DCC: variants seen among roughly 807,000 people sequenced by gnomAD.
DCC encodes netrin receptor DCC.
In DCC, 58 loss-of-function variants were observed where a neutral mutation model predicts 172.5. That is an observed-to-expected ratio of 0.34 (90% CI 0.27 to 0.42). The LOEUF (loss-of-function observed/expected upper bound fraction) is 0.42. Ranked by LOEUF, DCC falls within the 10% of genes least tolerant of loss-of-function variation. DCC has a pLI of 1.00. For missense variants in DCC, 1,740 were observed against 1,791.0 expected, an observed-to-expected ratio of 0.97 and a Z score of 0.51; for synonymous variants, 709 against 644.5, an observed-to-expected ratio of 1.10 and a Z score of -1.52.
chr18:53,358,379 C>T (rs78496588), intron 15 of DCC, among the ~76,000 whole-genome samples: 6,551 of 151,878 alleles, frequency 0.043, 458 homozygotes, highest in African/African-American at 0.15. Context: ...AAAAAAATTT[C>T]TTGTAATAGA....
intron 1 of DCC, among the ~76,000 whole-genome samples, chr18:52,617,526 C>T (rs1392903055): frequency 1.3e-5 from 2 of 152,108 alleles, no homozygotes; most frequent in African/African-American, 2.4e-5. Context: ...AGTTCTTTGC[C>T]TCTCACTCTT....
chr18:53,025,689 A>C (rs2041945638), intron 5 of DCC, among the ~76,000 whole-genome samples: 1 of 152,022 alleles, frequency 6.6e-6, no homozygotes, highest in African/African-American at 2.4e-5. Flanking sequence ...ATGGAAATGA[A>C]AACCATACTA....
At chr18:52,618,353 A>G (rs1441779430) in intron 1 of DCC, among the ~76,000 whole-genome samples, 2 of 152,168 alleles carry the variant, frequency 1.3e-5, no homozygotes, top group East Asian at 3.9e-4. Context: ...AGAATAAACT[A>G]TTTGTTTCTA....
intron 2 of DCC, among the ~76,000 whole-genome samples, chr18:52,809,639 G>T (rs1014231291): frequency 6.6e-6 from 1 of 152,182 alleles, no homozygotes; most frequent in African/African-American, 2.4e-5. Context: ...TCAGCAGTGG[G>T]TCTGTGATGG....
At chr18:53,172,788 T>G (rs1314656003) in intron 8 of DCC, among the ~76,000 whole-genome samples, 1 of 152,092 alleles carries the variant, frequency 6.6e-6, no homozygotes, top group Non-Finnish European at 1.5e-5. Flanking sequence ...TTACCCAAAG[T>G]TCCCATGATC....
intron 14 of DCC, among the ~76,000 whole-genome samples, chr18:53,333,957 A>G (rs1416779279): frequency 6.6e-6 from 1 of 152,202 alleles, no homozygotes; most frequent in Non-Finnish European, 1.5e-5. Context: ...GACCCAAGGA[A>G]ATCTCACCTG....
chr18:53,322,995 G>C (rs943755655), intron 14 of DCC, among the ~76,000 whole-genome samples: 2 of 152,046 alleles, frequency 1.3e-5, no homozygotes, highest in Admixed American at 6.5e-5. Flanking sequence ...TAGATGTAAA[G>C]ATAAACTCGT....
intron 27 of DCC, among the ~76,000 whole-genome samples, chr18:53,504,914 TTTTG>T (rs545284643): frequency 2.8e-3 from 419 of 152,254 alleles, no homozygotes; most frequent in Non-Finnish European, 4.5e-3. Context: ...AGAAATGTTT[TTTTG>T]TTTGTTTGTT....
At chr18:53,141,639 A>T (rs144735299) in intron 7 of DCC, among the ~76,000 whole-genome samples, 1 of 152,180 alleles carries the variant, frequency 6.6e-6, no homozygotes, top group Non-Finnish European at 1.5e-5. Context: ...GATTTTGTGG[A>T]TTCTTTCAAT....
rs1872226016 is a variant in DCC at position 52,610,165 on chromosome 18, AAAAAAAAAAAAAAATATATATATAT to A, written c.92-141887_92-141863del. On this transcript the variant is annotated intron_variant, in intron 1 of 28. Coordinates refer to ENST00000442544, the MANE Select transcript of DCC (RefSeq NM_005215.4). ...CCCATCTCTCATAAAAAAAAAAAAA[AAAAAAAAAAAAAAATATATATATAT>A]ATATATATATATATATATATATATA... Among the ~76,000 whole-genome samples, 8 of 22,916 alleles carry A rather than the reference AAAAAAAAAAAAAAATATATATATAT, an allele frequency of 3.5e-4. 1 individual carries two copies. The highest frequency in any genetic ancestry group is 7.8e-4 in the Admixed American group (1 of 1,290). The allele number at this position is 22,916 out of a possible 152,430, so 15.0% of individuals were successfully genotyped here. A position where few individuals can be genotyped will look rare whatever the true frequency, so the allele number is the denominator to read the frequency against.
At chr18:53,028,081 G>A (rs59011740) in intron 5 of DCC, among the ~76,000 whole-genome samples, 6,141 of 152,136 alleles carry the variant, frequency 0.04, 386 homozygotes, top group African/African-American at 0.14. Context: ...TAAAGCCCAG[G>A]TAGCCAGTCT....
intron 12 of DCC, among the ~76,000 whole-genome samples, chr18:53,244,200 T>C (rs2056339285): frequency 6.6e-6 from 1 of 152,174 alleles, no homozygotes. Context: ...ATTATCTTAA[T>C]TTCATTTTAT....
intron 2 of DCC, among the ~76,000 whole-genome samples, chr18:52,895,813 G>T (rs1245467299): frequency 6.6e-6 from 1 of 152,116 alleles, no homozygotes; most frequent in African/African-American, 2.4e-5. Context: ...GGGACAGACT[G>T]TTGCTGTGTT....
chr18:52,976,523 A>G (rs72928144), intron 5 of DCC, among the ~76,000 whole-genome samples: 5,361 of 152,280 alleles, frequency 0.035, 126 homozygotes, highest in African/African-American at 0.054. Context: ...CACAAATGCA[A>G]TCATATATGA....
chr18:53,465,755 A>G (rs1260789036), intron 24 of DCC, among the ~76,000 whole-genome samples: 2 of 150,694 alleles, frequency 1.3e-5, no homozygotes, highest in Non-Finnish European at 3.0e-5. Context: ...TATTCTTTTT[A>G]TTTATTTATT....
In DCC at chr18:52,889,742, C is replaced by A. The variant is rs2039621663; in HGVS notation, c.413-16302C>A. Among the ~76,000 whole-genome samples the A allele has an allele frequency of 2.6e-5, 4 of 152,118 alleles. No homozygotes were observed. In the South Asian group the frequency reaches 8.3e-4, roughly 32 times the overall value. ...TTATAAGTTTTAAATTCTGAATTAC[C>A]ATAATGAATTTTTCATAAATTGAGG... On this transcript the variant is annotated intron_variant, in intron 2 of 28. Coordinates refer to ENST00000442544, the MANE Select transcript of DCC (RefSeq NM_005215.4).
chr18:52,864,874 T>TA (rs2145368391), intron 2 of DCC, among the ~76,000 whole-genome samples: 1 of 152,162 alleles, frequency 6.6e-6, no homozygotes, highest in South Asian at 2.1e-4. Context: ...TTTTTTATTT[T>TA]ATTTTTATTG....
intron 1 of DCC, among the ~76,000 whole-genome samples, chr18:52,633,923 GA>G (rs745517229): frequency 6.6e-6 from 1 of 152,244 alleles, no homozygotes; most frequent in Non-Finnish European, 1.5e-5. Flanking sequence ...TTCTCAGGAG[GA>G]ATTGTCTGTG....
chr18:52,916,575 C>A (rs948360041), intron 3 of DCC, among the ~76,000 whole-genome samples: 1 of 152,144 alleles, frequency 6.6e-6, no homozygotes, highest in Non-Finnish European at 1.5e-5. Flanking sequence ...GTGACAGAAT[C>A]ATGCATGGGT....
Sources: gnomAD v4.1 joint callset for allele counts (sites outside exome capture counted in the v4.1 genomes callset) on GRCh38, gnomAD v4.1.1 for gene constraint, MANE v1.5 for transcripts, NCBI Gene and HGNC (gene_info 2026-07-23, HGNC 2026-07-21) for gene names.